The following HIVEP3 variants were observed in gnomAD, a reference collection of about 807,000 sequenced individuals.
HIVEP3 encodes HIVEP zinc finger 3, also known as transcription factor HIVEP3.
A neutral mutation model predicts 152.8 loss-of-function variants in HIVEP3; 49 were observed. The ratio of observed to expected loss-of-function variants is 0.32; its 90% CI spans 0.26 to 0.41. The LOEUF (loss-of-function observed/expected upper bound fraction) is 0.41, where lower values mean the gene tolerates loss of function less well. Ranked by LOEUF, HIVEP3 falls within the 10% of genes least tolerant of loss-of-function variation. The pLI, the probability that HIVEP3 is intolerant of heterozygous loss-of-function variation, is 1.00. For missense variants in HIVEP3, 2,790 were observed against 3,103.3 expected, an observed-to-expected ratio of 0.90 and a Z score of 2.40; for synonymous variants, 1,269 against 1,289.0, an observed-to-expected ratio of 0.98 and a Z score of 0.33.
chr1:41,993,291 A>C (rs1328582711), intron 1 of HIVEP3, among the ~76,000 whole-genome samples: 7 of 151,616 alleles, frequency 4.6e-5, no homozygotes, highest in East Asian at 3.9e-4. Flanking sequence ...ATGAACTCAA[A>C]CAAATTTACA....
intron 1 of HIVEP3, among the ~76,000 whole-genome samples, chr1:42,028,938 C>T (rs1645597042): frequency 6.6e-6 from 1 of 152,138 alleles, no homozygotes; most frequent in African/African-American, 2.4e-5. Flanking sequence ...GAACATGGGG[C>T]CAATGTCACC....
intron 1 of HIVEP3, among the ~76,000 whole-genome samples, chr1:41,907,355 T>C (rs1331183591): frequency 6.6e-6 from 1 of 152,210 alleles, no homozygotes; most frequent in East Asian, 1.9e-4. Flanking sequence ...CCTACTACTC[T>C]GCGGTAGCAG....
At chr1:41,768,722 A>G (rs1648164318) in intron 1 of HIVEP3, among the ~76,000 whole-genome samples, 1 of 152,222 alleles carries the variant, frequency 6.6e-6, no homozygotes, top group South Asian at 2.1e-4. Context: ...CACCTCCTCT[A>G]CACTGAGGAG....
At chr1:41,779,875 T>C (rs536964458) in intron 1 of HIVEP3, among the ~76,000 whole-genome samples, 1 of 152,286 alleles carries the variant, frequency 6.6e-6, no homozygotes, top group African/African-American at 2.4e-5. Context: ...GGCACAGGCT[T>C]TGGGGTCAGA....
At chr1:41,957,474 T>C (rs1645145936) in intron 1 of HIVEP3, among the ~76,000 whole-genome samples, 1 of 152,190 alleles carries the variant, frequency 6.6e-6, no homozygotes, top group Non-Finnish European at 1.5e-5. Flanking sequence ...TCCACATAAA[T>C]AGCTTAGGCA....
At chr1:41,974,281 G>A (rs544484529) in intron 1 of HIVEP3, among the ~76,000 whole-genome samples, 10 of 152,124 alleles carry the variant, frequency 6.6e-5, no homozygotes, top group South Asian at 2.1e-4. Flanking sequence ...CTCCTCTTCC[G>A]ACTCCTCAGT....
At chr1:41,525,935 C>T (rs909822191) in intron 5 of HIVEP3, among the ~76,000 whole-genome samples, 8 of 152,094 alleles carry the variant, frequency 5.3e-5, no homozygotes, top group Non-Finnish European at 1.0e-4. Context: ...GCCACTGGCA[C>T]GGCACGTGGA....
At chr1:41,748,544 A>G (rs1474221275) in intron 1 of HIVEP3, among the ~76,000 whole-genome samples, 21 of 152,316 alleles carry the variant, frequency 1.4e-4, no homozygotes, top group Admixed American at 1.4e-3. Flanking sequence ...CATCACCATC[A>G]TGGCAACAAT....
At chr1:41,844,001 T>C (rs979873826) in intron 1 of HIVEP3, among the ~76,000 whole-genome samples, 1 of 152,092 alleles carries the variant, frequency 6.6e-6, no homozygotes, top group African/African-American at 2.4e-5. Context: ...ATTTTTAAAT[T>C]CACAGTGATT....
intron 1 of HIVEP3, among the ~76,000 whole-genome samples, chr1:41,829,406 C>T (rs1301592088): frequency 2.0e-5 from 3 of 152,070 alleles, no homozygotes; most frequent in Admixed American, 6.6e-5. Context: ...TCTCTGTCTC[C>T]ACCCTACCTC....
chr1:41,673,188 C>T (rs1429165580), intron 2 of HIVEP3, among the ~76,000 whole-genome samples: 1 of 152,194 alleles, frequency 6.6e-6, no homozygotes, highest in Admixed American at 6.5e-5. Context: ...CTTCCTGGAA[C>T]AGCCGGCTAG....
intron 1 of HIVEP3, among the ~76,000 whole-genome samples, chr1:41,776,256 T>C (rs1041611419): frequency 2.0e-5 from 3 of 152,232 alleles, no homozygotes; most frequent in Non-Finnish European, 4.4e-5. Flanking sequence ...GGCCCAGAAC[T>C]TAAACACTGG....
At chr1:41,573,895 C>T (rs2149098684) in intron 5 of HIVEP3, among the ~76,000 whole-genome samples, 1 of 152,130 alleles carries the variant, frequency 6.6e-6, no homozygotes, top group East Asian at 1.9e-4. Context: ...GGAGTAGGAC[C>T]CATACCAGCT....
chr1:41,653,035 CAA>C (rs1198413100), intron 2 of HIVEP3, among the ~76,000 whole-genome samples: 3 of 92,072 alleles, frequency 3.3e-5, no homozygotes, highest in East Asian at 7.8e-3. Flanking sequence ...ATTAAGCTAA[CAA>C]AGTGGGAAAA....
intron 1 of HIVEP3, among the ~76,000 whole-genome samples, chr1:41,833,498 A>G (rs1397948165): frequency 1.3e-5 from 2 of 152,236 alleles, no homozygotes; most frequent in Non-Finnish European, 2.9e-5. Context: ...AGAAAGGCTA[A>G]GGAATTTAGT....
intron 2 of HIVEP3, among the ~76,000 whole-genome samples, chr1:41,658,706 A>G (rs1645667095): frequency 6.6e-6 from 1 of 152,124 alleles, no homozygotes; most frequent in African/African-American, 2.4e-5. Context: ...CACTCTTTCC[A>G]TCCCATCCCC....
chr1:41,751,324 A>ATTTTTTTT lies in HIVEP3; in HGVS notation c.-800-50337_-800-50330dup, dbSNP rs35864189. The stretch of plus-strand genomic sequence containing the variant: ...TTCATCCCGAGGGAAACTGACACAC[A>ATTTTTTTT]TTTTTTTTTTTTTTTTTTTTGCATA... On this transcript the variant is annotated intron_variant, in intron 1 of 8. Coordinates refer to ENST00000372583, the MANE Select transcript of HIVEP3 (RefSeq NM_024503.5). Among the ~76,000 whole-genome samples, 315 of 104,528 alleles carry ATTTTTTTT rather than the reference A, an allele frequency of 3.0e-3. 19 individuals are homozygous for ATTTTTTTT. The highest frequency in any genetic ancestry group is 6.3e-3 in the African/African-American group (166 of 26,372). 68.6% of individuals were successfully genotyped at this position (104,528 alleles called of 152,430 possible). A position where few individuals can be genotyped will look rare whatever the true frequency, so the allele number is the denominator to read the frequency against.
intron 5 of HIVEP3, among the ~76,000 whole-genome samples, chr1:41,574,166 C>T (rs1052021011): frequency 6.6e-6 from 1 of 152,086 alleles, no homozygotes; most frequent in African/African-American, 2.4e-5. Context: ...CACAGAGAAC[C>T]TCTGAAGCAA....
At chr1:41,647,807 C>T (rs137886688) in intron 2 of HIVEP3, among the ~76,000 whole-genome samples, 1 of 152,378 alleles carries the variant, frequency 6.6e-6, no homozygotes, top group Non-Finnish European at 1.5e-5. Context: ...TGCCACCAAA[C>T]ACTGGGATCC....
Sources: gnomAD v4.1 joint callset for allele counts (sites outside exome capture counted in the v4.1 genomes callset) on GRCh38, gnomAD v4.1.1 for gene constraint, MANE v1.5 for transcripts, NCBI Gene and HGNC (gene_info 2026-07-23, HGNC 2026-07-21) for gene names.